The following GRID2 variants were observed in gnomAD, a reference collection of about 807,000 sequenced individuals.
GRID2 encodes glutamate ionotropic receptor delta type subunit 2, also known as glutamate receptor ionotropic, delta-2.
GRID2 carries 33 observed loss-of-function variants against 114.8 expected under a neutral mutation model. The observed-to-expected ratio is 0.29, with a 90% CI of 0.22 to 0.38. The LOEUF (loss-of-function observed/expected upper bound fraction) is 0.38, where lower values mean the gene tolerates loss of function less well. GRID2 is among the 10% of genes least tolerant of loss of function. The pLI is 1.00. For synonymous variants in GRID2, 505 were observed against 449.9 expected (o/e 1.12, Z -1.55); for missense variants, 1,184 against 1,257.7 (o/e 0.94, Z 0.89).
chr4:92,803,429 C>T (rs113248618), intron 2 of GRID2, among the ~76,000 whole-genome samples: 7 of 151,874 alleles, frequency 4.6e-5, no homozygotes, highest in East Asian at 1.9e-4. Flanking sequence ...ATAACAAAGA[C>T]GGGAAAGAAA....
At chr4:92,732,407 G>C (rs1362161943) in intron 2 of GRID2, among the ~76,000 whole-genome samples, 1 of 151,962 alleles carries the variant, frequency 6.6e-6, no homozygotes, top group East Asian at 1.9e-4. Context: ...CATAGTATGT[G>C]CTAGAGTTAA....
intron 2 of GRID2, among the ~76,000 whole-genome samples, chr4:92,610,134 A>C (rs576754698): frequency 2.2e-4 from 33 of 151,764 alleles, no homozygotes; most frequent in African/African-American, 7.2e-4. Flanking sequence ...AGGTGTGGAC[A>C]ACTTCCAAGT....
intron 2 of GRID2, among the ~76,000 whole-genome samples, chr4:92,604,352 G>A (rs1391981505): frequency 1.3e-5 from 2 of 152,136 alleles, no homozygotes; most frequent in Non-Finnish European, 2.9e-5. Context: ...GGAATACTAT[G>A]CAGCCATAAA....
At chr4:92,916,113 T>C (rs1748770617) in intron 2 of GRID2, among the ~76,000 whole-genome samples, 1 of 152,168 alleles carries the variant, frequency 6.6e-6, no homozygotes, top group Non-Finnish European at 1.5e-5. Flanking sequence ...TTGCAACTGC[T>C]TTTGGTGTCT....
chr4:93,537,968 GT>G (rs1393489412), intron 13 of GRID2, among the ~76,000 whole-genome samples: 5 of 151,420 alleles, frequency 3.3e-5, no homozygotes, highest in Non-Finnish European at 5.9e-5. Context: ...GCTACATAAG[GT>G]TTTCTATCCT....
intron 1 of GRID2, among the ~76,000 whole-genome samples, chr4:92,580,166 G>A (rs1728110449): frequency 6.6e-6 from 1 of 150,852 alleles, no homozygotes; most frequent in African/African-American, 2.4e-5. Flanking sequence ...CAGTTGTCTA[G>A]TCTACAGTTA....
intron 4 of GRID2, among the ~76,000 whole-genome samples, chr4:93,193,812 G>A (rs1415504279): frequency 6.6e-6 from 1 of 152,126 alleles, no homozygotes; most frequent in Non-Finnish European, 1.5e-5. Context: ...CTTTAAAATA[G>A]ACGAAGAAAG....
intron 2 of GRID2, among the ~76,000 whole-genome samples, chr4:92,930,497 A>G (rs1286878296): frequency 6.6e-6 from 1 of 151,154 alleles, no homozygotes; most frequent in Non-Finnish European, 1.5e-5. Context: ...TTCAAATTTA[A>G]TAAGCAAACT....
chr4:92,979,247 C>T lies in GRID2; in HGVS notation c.245-105748C>T, dbSNP rs188018590. Among the ~76,000 whole-genome samples, 412 of 151,790 alleles carry T rather than the reference C, an allele frequency of 2.7e-3. 5 individuals are homozygous for T. Among genetic ancestry groups the T allele is most frequent in the Middle Eastern group, 3.4e-3 (1 of 294 alleles). ...TGCTGAAAAGGTAATATTCTGGATACATTTAACAATTACTAAAATTAATTG... is the reference window on the plus strand; with the variant it reads ...TGCTGAAAAGGTAATATTCTGGATATATTTAACAATTACTAAAATTAATTG... On this transcript the variant is annotated intron_variant, in intron 2 of 15. Transcript: ENST00000282020.
intron 3 of GRID2, among the ~76,000 whole-genome samples, chr4:93,107,785 C>T (rs1289625117): frequency 2.0e-5 from 3 of 152,094 alleles, no homozygotes; most frequent in South Asian, 2.1e-4. Context: ...TGAGCCAGCA[C>T]GCCCAGCCCC....
chr4:93,782,895 ACACAC>A (rs1734508115), intron 1 of GRID2, among the ~76,000 whole-genome samples: 1 of 2,000 alleles, frequency 5.0e-4, no homozygotes, highest in African/African-American at 7.2e-3. Flanking sequence ...TGAATCATAC[ACACAC>A]ACACACACAC....
intron 2 of GRID2, among the ~76,000 whole-genome samples, chr4:93,078,974 G>C (rs1294719897): frequency 6.8e-6 from 1 of 148,018 alleles, no homozygotes; most frequent in Non-Finnish European, 1.5e-5. Flanking sequence ...AATATACATA[G>C]TAAATATCAA....
chr4:92,703,677 G>A (rs1296196549), intron 2 of GRID2, among the ~76,000 whole-genome samples: 1 of 148,854 alleles, frequency 6.7e-6, no homozygotes, highest in Non-Finnish European at 1.5e-5. Context: ...ATTAATGTAT[G>A]TAAATTACTT....
intron 4 of GRID2, among the ~76,000 whole-genome samples, chr4:93,156,009 G>A (rs181396040): frequency 4.5e-4 from 69 of 151,750 alleles, no homozygotes; most frequent in African/African-American, 1.6e-3. Flanking sequence ...ATAAATGCTC[G>A]AGGTGATGGA....
At chr4:92,564,532 T>G (rs917255437) in intron 1 of GRID2, among the ~76,000 whole-genome samples, 1 of 152,030 alleles carries the variant, frequency 6.6e-6, no homozygotes, top group Non-Finnish European at 1.5e-5. Flanking sequence ...CCTTTTTAAA[T>G]GAAATTGAAG....
chr4:92,456,975 C>G (rs1042252303), intron 1 of GRID2, among the ~76,000 whole-genome samples: 1 of 152,132 alleles, frequency 6.6e-6, no homozygotes, highest in African/African-American at 2.4e-5. Context: ...CTCTCACACA[C>G]ATTTATTTAT....
At position 93,080,258 on chromosome 4, in the gene GRID2, T is replaced by A. The variant is rs554946242; in HGVS notation, c.245-4737T>A. On this transcript the variant is annotated intron_variant, in intron 2 of 15. Transcript: ENST00000282020. Reference sequence around the variant, plus strand: ...AATCATAAATAGTATATTTGTGATTTGTTAATAAACAGAAAAAAAGTAATT... The same window carrying A: ...AATCATAAATAGTATATTTGTGATTAGTTAATAAACAGAAAAAAAGTAATT... Among the ~76,000 whole-genome samples, 3 of 152,302 alleles carry A rather than the reference T, an allele frequency of 2.0e-5. No individual in the cohort carries two copies. The South Asian group carries it at 6.2e-4, about 32-fold the overall frequency.
intron 2 of GRID2, among the ~76,000 whole-genome samples, chr4:92,875,869 C>A (rs185864418): frequency 6.6e-6 from 1 of 152,218 alleles, no homozygotes; most frequent in Admixed American, 6.5e-5. Context: ...TGAAGACTTA[C>A]AACATGTGTA....
At chr4:92,495,701 A>G (rs1723354813) in intron 1 of GRID2, among the ~76,000 whole-genome samples, 1 of 151,928 alleles carries the variant, frequency 6.6e-6, no homozygotes, top group African/African-American at 2.4e-5. Context: ...AATATAATGT[A>G]ATATAAATAA....
Sources: allele counts gnomAD v4.1 joint callset (sites outside exome capture counted in the v4.1 genomes callset), GRCh38; gene constraint gnomAD v4.1.1; transcripts MANE v1.5; gene names NCBI Gene and HGNC (gene_info 2026-07-23, HGNC 2026-07-21).